TNFRSF9: variants seen among roughly 807,000 people sequenced by gnomAD.
TNFRSF9 encodes tumor necrosis factor receptor superfamily member 9.
In TNFRSF9, 16 loss-of-function variants were observed where a neutral mutation model predicts 28.8. The observed-to-expected ratio is 0.55, with a 90% CI of 0.38 to 0.84. TNFRSF9 has a LOEUF of 0.84. TNFRSF9 is among the 40% of genes least tolerant of loss of function. The pLI is 0.00. For synonymous variants in TNFRSF9, 131 were observed against 117.0 expected, an observed-to-expected ratio of 1.12 and a Z score of -0.77; for missense variants, 303 against 315.0, an observed-to-expected ratio of 0.96 and a Z score of 0.29.
intron 7 of TNFRSF9, among the ~76,000 whole-genome samples, chr1:7,921,338 A>AAAAACAAAACAAAACAAAAC (rs143263936): frequency 5.0e-5 from 7 of 139,998 alleles, no homozygotes; most frequent in African/African-American, 1.3e-4. Context: ...CTCTGTCTCA[A>AAAAACAAAACAAAACAAAAC]AAAACAAAAC....
chr1:7,938,125 G>A, intron 4 of TNFRSF9, 68 bp downstream of exon 4: 2 of 1,390,058 alleles, frequency 1.4e-6, no homozygotes, highest in South Asian at 1.8e-5. Flanking sequence ...TATTTTCAAA[G>A]GATCAAGATC....
intron 7 of TNFRSF9, among the ~76,000 whole-genome samples, chr1:7,921,226 C>T (rs1197194528): frequency 6.6e-6 from 1 of 151,940 alleles, no homozygotes; most frequent in Non-Finnish European, 1.5e-5. Flanking sequence ...ATCCCAGCTA[C>T]TCAGGAGGCT....
chr1:7,923,181 G>A (rs1414999094), intron 7 of TNFRSF9, among the ~76,000 whole-genome samples: 3 of 152,090 alleles, frequency 2.0e-5, no homozygotes, highest in South Asian at 2.1e-4. Flanking sequence ...GATTACAGGC[G>A]TGAGCCACCA....
rs749573873 is a variant in TNFRSF9 at position 7,920,823 on chromosome 1, T to C, written c.*12A>G. 6.2e-7 allele frequency: 1 copy of C among 1,608,676 alleles called. No individual in the cohort carries two copies. Among genetic ancestry groups the C allele is most frequent in the South Asian group, 1.1e-5 (1 of 90,922 alleles). ...TTTCAAGAAAGTCCCAACAGCCCTA[T>C]TGACTTCCATTTCACAGTTCACATC... is the stretch of plus-strand genomic sequence containing the variant. On this transcript the variant is annotated 3_prime_UTR_variant, in exon 8 of 8. Coordinates refer to ENST00000377507, the MANE Select transcript of TNFRSF9 (RefSeq NM_001561.6).
At chr1:7,923,843 TA>T (rs1469410210) in intron 7 of TNFRSF9, among the ~76,000 whole-genome samples, 1 of 152,084 alleles carries the variant, frequency 6.6e-6, no homozygotes, top group Non-Finnish European at 1.5e-5. Context: ...CCCTGACTTC[TA>T]AAAAATTTTT....
At chr1:7,929,229 G>A (rs185047511) in intron 7 of TNFRSF9, among the ~76,000 whole-genome samples, 2 of 138,146 alleles carry the variant, frequency 1.4e-5, no homozygotes, top group South Asian at 4.6e-4. Context: ...TGCAGGATGC[G>A]ATATCAGCTC....
At chr1:7,922,525 G>T (rs1427661478) in intron 7 of TNFRSF9, among the ~76,000 whole-genome samples, 1 of 152,118 alleles carries the variant, frequency 6.6e-6, no homozygotes, top group Non-Finnish European at 1.5e-5. Context: ...CAAAAACCAA[G>T]AAGAGGCCAG....
At position 7,920,597 on chromosome 1, in the gene TNFRSF9, G is replaced by T; in HGVS notation, c.*238C>A. 4.5e-6 allele frequency: 2 copies of T among 440,960 alleles called. No homozygotes were observed. Among genetic ancestry groups the T allele is most frequent in the Non-Finnish European group, 8.2e-6 (2 of 243,332 alleles). 27.3% of individuals were successfully genotyped at this position (440,960 alleles called of 1,614,324 possible). A position where few individuals can be genotyped will look rare whatever the true frequency, so the allele number is the denominator to read the frequency against. On this transcript the variant is annotated 3_prime_UTR_variant, in exon 8 of 8. Transcript: ENST00000377507. ...CTCCCAGAGGTCAAGGCTGCAGAGA[G>T]CCATGGTGGTGCCACTGCACTCCAG...
chr1:7,925,861 T>C (rs1407879309), intron 7 of TNFRSF9, among the ~76,000 whole-genome samples: 1 of 152,112 alleles, frequency 6.6e-6, no homozygotes, highest in African/African-American at 2.4e-5. Flanking sequence ...GGGCTATAAA[T>C]ACAGAGGAAG....
At chr1:7,929,967 CTTTTT>C (rs56299901) in intron 7 of TNFRSF9, among the ~76,000 whole-genome samples, 1 of 113,110 alleles carries the variant, frequency 8.8e-6, no homozygotes. Flanking sequence ...GACCTAAAAC[CTTTTT>C]TTTTTTTTTT....
At position 7,920,069 on chromosome 1, in the gene TNFRSF9, CCT is replaced by C. The variant is rs1639534772; in HGVS notation, c.*764_*765del. The stretch of plus-strand genomic sequence containing the variant: ...CTCAGGCACTCTGCTCATACTCCCC[CCT>C]GACGGTGGAGCATGTCGTGTTACAT... On this transcript the variant is annotated 3_prime_UTR_variant, in exon 8 of 8. Transcript: ENST00000377507. The C allele has an allele frequency of 6.6e-6, 1 of 152,278 alleles. No homozygotes were observed. Among genetic ancestry groups the C allele is most frequent in the South Asian group, 2.1e-4 (1 of 4,820 alleles). The allele number at this position is 152,278 out of a possible 1,614,324, so 9.4% of individuals were successfully genotyped here.
rs756511571 is a variant in TNFRSF9 at position 7,939,926 on chromosome 1, T to C, written c.69A>G (p.Ser23=). 2 of 1,605,228 alleles carry C rather than the reference T, an allele frequency of 1.2e-6. No individual in the cohort carries two copies. Among genetic ancestry groups the C allele is most frequent in the Non-Finnish European group, 1.7e-6 (2 of 1,172,862 alleles). Residue 23 remains serine, a synonymous_variant, in exon 2 of 8, where the codon TCA becomes TCG. Transcript: ENST00000377507. ...GGCAGTTACTACAAGGATCCTGCAA[T>C]GATCTTGTCCTCTCAAAGTTGAGGA... ...LLVLNFERTR[S]LQDPCSNCPA...
At chr1:7,936,107 A>G (rs1639811822) in intron 5 of TNFRSF9, among the ~76,000 whole-genome samples, 1 of 152,148 alleles carries the variant, frequency 6.6e-6, no homozygotes. Flanking sequence ...TTTGTATTGA[A>G]AGACCTTTTT....
chr1:7,926,233 T>C (rs1364300114), intron 7 of TNFRSF9, among the ~76,000 whole-genome samples: 1 of 152,190 alleles, frequency 6.6e-6, no homozygotes, highest in African/African-American at 2.4e-5. Context: ...ACCTCTTCTA[T>C]GTTTAGATAT....
chr1:7,927,034 A>C (rs2151414057), intron 7 of TNFRSF9, among the ~76,000 whole-genome samples: 1 of 151,662 alleles, frequency 6.6e-6, no homozygotes, highest in South Asian at 2.1e-4. Context: ...GACCAGCCTG[A>C]GCAACATGGT....
rs1639477591 is a variant in TNFRSF9 at position 7,916,314 on chromosome 1, C to T, written c.*4521G>A. Reference sequence around the variant, plus strand: ...AGAAGGGGATCATTTTATTCTGTCTCAATGTTCCTTCCTTATTAATTGTCA... The same window carrying T: ...AGAAGGGGATCATTTTATTCTGTCTTAATGTTCCTTCCTTATTAATTGTCA... On this transcript the variant is annotated 3_prime_UTR_variant, in exon 8 of 8. Transcript: ENST00000377507. The T allele has an allele frequency of 6.6e-6, 1 of 152,190 alleles. No homozygotes were observed. The highest frequency in any genetic ancestry group is 2.4e-5 in the African/African-American group (1 of 41,442). 9.4% of individuals were successfully genotyped at this position (152,190 alleles called of 1,614,324 possible).
chr1:7,922,255 T>G (rs144659266), intron 7 of TNFRSF9, among the ~76,000 whole-genome samples: 2 of 152,294 alleles, frequency 1.3e-5, no homozygotes, highest in Non-Finnish European at 1.5e-5. Context: ...ACCAACGGGA[T>G]GTCTTTTGAA....
intron 7 of TNFRSF9, chr1:7,921,761 G>A (rs926714727): frequency 1.3e-5 from 2 of 152,144 alleles, no homozygotes; most frequent in Non-Finnish European, 2.9e-5. Context: ...GAGATTATTT[G>A]AAATTTGTTT....
rs752792848 is a variant in TNFRSF9, at chr1:7,919,941, A to G, written c.*894T>C. 7 of 152,348 alleles carry G rather than the reference A, an allele frequency of 4.6e-5. No homozygotes were observed. Among genetic ancestry groups the G allele is most frequent in the Non-Finnish European group, 7.3e-5 (5 of 68,040 alleles). The allele number at this position is 152,348 out of a possible 1,614,324, so 9.4% of individuals were successfully genotyped here. ...ACCTGGCTTAAAAGGGAGCAGGACAAAGGCAGAAGGTGTGAGGATGGAGAA... is the reference window on the plus strand; with the variant it reads ...ACCTGGCTTAAAAGGGAGCAGGACAGAGGCAGAAGGTGTGAGGATGGAGAA... On this transcript the variant is annotated 3_prime_UTR_variant, in exon 8 of 8. Transcript: ENST00000377507.
Sources: allele counts gnomAD v4.1 joint callset (sites outside exome capture counted in the v4.1 genomes callset), GRCh38; gene constraint gnomAD v4.1.1; transcripts MANE v1.5; gene names NCBI Gene and HGNC (gene_info 2026-07-23, HGNC 2026-07-21).